The following FCRL2 variants were observed in gnomAD, a reference collection of about 807,000 sequenced individuals.
FCRL2 encodes Fc receptor-like protein 2.
FCRL2 carries 48 observed loss-of-function variants against 59.8 expected under a neutral mutation model. That is an observed-to-expected ratio of 0.80 (90% CI 0.64 to 1.02). FCRL2 has a LOEUF of 1.02. Among genes scored for constraint, FCRL2 ranks in the 50% least tolerant of loss-of-function variants. FCRL2 has a pLI of 0.00. For missense variants in FCRL2, 658 were observed against 597.3 expected (o/e 1.10, Z -1.06); for synonymous variants, 251 against 229.5 (o/e 1.09, Z -0.85).
rs1467281793 is a variant in FCRL2 at position 157,770,468 on chromosome 1, G to A, written c.251C>T (p.Thr84Ile). 1 of 1,613,846 alleles carries A rather than the reference G, an allele frequency of 6.2e-7. No individual in the cohort carries two copies. The highest frequency in any genetic ancestry group is 8.5e-7 in the Non-Finnish European group (1 of 1,179,862). Reference protein sequence around the residue: ...LSDSGNYFCSTKGQLFLWDKT... With the variant: ...LSDSGNYFCSIKGQLFLWDKT... The stretch of plus-strand genomic sequence containing the variant: ...ATCCCAGAGAAAGAGTTGTCCTTTG[G>A]TACTACAGAAATAGTTACCACTGTC... Residue 84 changes from threonine to isoleucine, a missense_variant, in exon 3 of 12, where the codon ACC (threonine) becomes ATC (isoleucine). Transcript: ENST00000361516.
rs768372759 is a variant in FCRL2, at chr1:157,746,855, A to G, written c.1488+16T>C. ...AAGGAAGGAAAGATGAAGAAATTCC[A>G]AGGTGTCTAGCTCACCTTGTTCTCC... On this transcript the variant is annotated intron_variant, in intron 11 of 11. Coordinates refer to ENST00000361516, the MANE Select transcript of FCRL2 (RefSeq NM_030764.4). 6.2e-7 allele frequency: 1 copy of G among 1,614,086 alleles called. No homozygotes were observed. The highest frequency in any genetic ancestry group is 8.5e-7 in the Non-Finnish European group (1 of 1,179,964).
chr1:157,770,575 C>A lies in FCRL2; in HGVS notation c.144G>T (p.Lys48Asn). 1 of 1,614,218 alleles carries A rather than the reference C, an allele frequency of 6.2e-7. No homozygotes were observed. Among genetic ancestry groups the A allele is most frequent in the Non-Finnish European group, 8.5e-7 (1 of 1,180,036 alleles). Reference protein sequence around the residue: ...CQGEQNWKIQKMAYHKDNKEL... With the variant: ...CQGEQNWKIQNMAYHKDNKEL... ...CTTTGTTATCCTTATGGTAAGCCAT[C>A]TTCTGAATTTTCCAGTTCTGTTCTC... The change falls in exon 3 of 12, where the codon AAG becomes AAT. Residue 48 changes from lysine to asparagine, a missense_variant. Transcript: ENST00000361516.
intron 7 of FCRL2, among the ~76,000 whole-genome samples, chr1:157,761,000 T>C (rs1048656597): frequency 2.6e-5 from 4 of 152,234 alleles, no homozygotes; most frequent in African/African-American, 9.6e-5. Context: ...ATGTTTACTA[T>C]GTGGAAGAAA....
chr1:157,750,083 T>C (rs1648068560), intron 7 of FCRL2, among the ~76,000 whole-genome samples: 2 of 152,222 alleles, frequency 1.3e-5, no homozygotes, highest in African/African-American at 4.8e-5. Context: ...CCATTCTTAA[T>C]TTTTAAATGT....
At chr1:157,767,209 T>C (rs1649562090) in intron 6 of FCRL2, 22 bp downstream of exon 6, 1 of 1,596,734 alleles carries the variant, frequency 6.3e-7, no homozygotes, top group Non-Finnish European at 8.5e-7. Flanking sequence ...TCAAACTCTG[T>C]ATCCAGGTAA....
chr1:157,751,672 T>C lies in FCRL2; in HGVS notation c.1280-1995A>G, dbSNP rs142100808. On this transcript the variant is annotated intron_variant, in intron 7 of 11. Coordinates refer to ENST00000361516, the MANE Select transcript of FCRL2 (RefSeq NM_030764.4). ...CAAAGCTTGAAGCCATTTCAAAATCTGGCCAAGAGGACTTCCTGAAGAGGT... is the reference window on the plus strand; with the variant it reads ...CAAAGCTTGAAGCCATTTCAAAATCCGGCCAAGAGGACTTCCTGAAGAGGT... Among the ~76,000 whole-genome samples, 11 of 152,308 alleles carry C rather than the reference T, an allele frequency of 7.2e-5. No homozygotes were observed. In the East Asian group the frequency reaches 2.1e-3, roughly 29 times the overall value.
chr1:157,760,494 G>A (rs547033200), intron 7 of FCRL2, among the ~76,000 whole-genome samples: 28 of 151,856 alleles, frequency 1.8e-4, no homozygotes, highest in African/African-American at 6.0e-4. Context: ...TGGGCGTCAT[G>A]GCAGGCACCT....
chr1:157,760,813 G>GAAA (rs755247873), intron 7 of FCRL2, among the ~76,000 whole-genome samples: 5 of 146,088 alleles, frequency 3.4e-5, no homozygotes, highest in Non-Finnish European at 7.4e-5. Context: ...AAGGAAGGAG[G>GAAA]GAAGGAAGGA....
intron 7 of FCRL2, among the ~76,000 whole-genome samples, chr1:157,760,658 G>A (rs12086016): frequency 0.018 from 1,979 of 111,464 alleles, 50 homozygotes; most frequent in African/African-American, 0.084. Context: ...AAAGAAAGAA[G>A]GAAGGAAGGA....
At chr1:157,753,476 C>T (rs746008866) in intron 7 of FCRL2, among the ~76,000 whole-genome samples, 40 of 152,126 alleles carry the variant, frequency 2.6e-4, no homozygotes, top group Non-Finnish European at 4.6e-4. Context: ...AAATATACAA[C>T]CAAATGAAAA....
At chr1:157,775,628 C>G (rs1650348313) in intron 2 of FCRL2, 147 bp downstream of exon 2, 1 of 722,798 alleles carries the variant, frequency 1.4e-6, no homozygotes, top group African/African-American at 1.8e-5. Context: ...TGGAAACAGG[C>G]TGCGTGACCT....
At chr1:157,749,518 G>A in intron 8 of FCRL2, 132 bp downstream of exon 8, 4 of 620,000 alleles carry the variant, frequency 6.5e-6, no homozygotes, top group East Asian at 2.6e-5. Context: ...AGAGACAAGA[G>A]TAAGTATTAT....
At chr1:157,763,449 C>G (rs1372163242) in intron 7 of FCRL2, among the ~76,000 whole-genome samples, 1 of 151,858 alleles carries the variant, frequency 6.6e-6, no homozygotes, top group African/African-American at 2.4e-5. Flanking sequence ...CTCTTGAACC[C>G]GAGAGGTGGA....
intron 6 of FCRL2, 121 bp from the exon 7 acceptor site, chr1:157,767,092 T>G (rs758354303): frequency 7.7e-7 from 1 of 1,299,928 alleles, no homozygotes; most frequent in African/African-American, 1.5e-5. Flanking sequence ...TAGTCTGTAC[T>G]CTTCAGGTTA....
At chr1:157,749,788 A>C in intron 7 of FCRL2, 111 bp from the exon 8 acceptor site, 1 of 695,210 alleles carries the variant, frequency 1.4e-6, no homozygotes, top group Non-Finnish European at 2.4e-6. Context: ...GATATAGAAG[A>C]GTAATCCAAT....
Position 157,746,640 on chromosome 1 carries a change from A to C in FCRL2, c.*96T>G. 1 of 1,251,352 alleles carries C rather than the reference A, an allele frequency of 8.0e-7. No individual in the cohort carries two copies. The highest frequency in any genetic ancestry group is 1.2e-6 in the Non-Finnish European group (1 of 862,718). 77.5% of individuals were successfully genotyped at this position (1,251,352 alleles called of 1,614,324 possible). On this transcript the variant is annotated 3_prime_UTR_variant, in exon 12 of 12. Transcript: ENST00000361516. ...TCCTGAGGCACGTTCTGGCTGTGGCAGGTGATAAGCCTCAAGCATTTTCAT... is the reference window on the plus strand; with the variant it reads ...TCCTGAGGCACGTTCTGGCTGTGGCCGGTGATAAGCCTCAAGCATTTTCAT...
intron 7 of FCRL2, among the ~76,000 whole-genome samples, chr1:157,760,723 GA>G (rs1444158277): frequency 7.0e-6 from 1 of 142,418 alleles, no homozygotes; most frequent in African/African-American, 2.7e-5. Context: ...AAGAAAGAAA[GA>G]AAGAAAGAAA....
intron 7 of FCRL2, among the ~76,000 whole-genome samples, chr1:157,762,104 G>C (rs140411734): frequency 6.6e-6 from 1 of 152,172 alleles, no homozygotes. Context: ...ACACAGCCTG[G>C]AGACCAGGGA....
At chr1:157,773,421 T>C (rs1474336555) in intron 2 of FCRL2, among the ~76,000 whole-genome samples, 3 of 152,134 alleles carry the variant, frequency 2.0e-5, no homozygotes, top group African/African-American at 7.2e-5. Flanking sequence ...TAACTGCACT[T>C]CAAGAGCAAC....
Sources: allele counts gnomAD v4.1 joint callset (sites outside exome capture counted in the v4.1 genomes callset), GRCh38; gene constraint gnomAD v4.1.1; transcripts MANE v1.5; gene names NCBI Gene and HGNC (gene_info 2026-07-23, HGNC 2026-07-21).